The following NLGN1 variants were observed in gnomAD, a reference collection of about 807,000 sequenced individuals.
NLGN1 encodes the protein neuroligin-1.
Under a neutral mutation model 65.5 loss-of-function variants are expected in NLGN1, and 12 were observed. The ratio of observed to expected loss-of-function variants is 0.18; its 90% confidence interval spans 0.12 to 0.30. NLGN1 has a LOEUF of 0.30. NLGN1 is among the 10% of genes least tolerant of loss of function. The pLI is 1.00. For synonymous variants in NLGN1, 350 were observed against 359.5 expected (o/e 0.97, Z 0.30); for missense variants, 750 against 1,007.1 (o/e 0.74, Z 3.46).
intron 4 of NLGN1, among the ~76,000 whole-genome samples, chr3:174,164,649 G>A (rs1263484252): frequency 2.0e-5 from 3 of 151,994 alleles, no homozygotes; most frequent in Non-Finnish European, 4.4e-5. Context: ...TGTCAACTTT[G>A]TCGAAGCATA....
chr3:173,896,282 G>A (rs1736341705), intron 4 of NLGN1, among the ~76,000 whole-genome samples: 1 of 152,078 alleles, frequency 6.6e-6, no homozygotes, highest in Admixed American at 6.6e-5. Context: ...TCCTCATGGG[G>A]GAATCATTCT....
intron 4 of NLGN1, among the ~76,000 whole-genome samples, chr3:174,010,390 A>G (rs1370448972): frequency 1.3e-5 from 2 of 152,138 alleles, no homozygotes; most frequent in Non-Finnish European, 2.9e-5. Flanking sequence ...AATCCCAAAT[A>G]TTGACACTTT....
chr3:173,940,080 C>CTTTTTTTTTTTTTTTTTTTTTTTT (rs531013909), intron 4 of NLGN1, among the ~76,000 whole-genome samples: 3 of 75,432 alleles, frequency 4.0e-5, no homozygotes, highest in African/African-American at 1.2e-4. Flanking sequence ...ATAGTTATAG[C>CTTTTTTTTTTTTTTTTTTTTTTTT]TTTTTTTTTT....
chr3:173,909,562 T>G (rs914347093), intron 4 of NLGN1, among the ~76,000 whole-genome samples: 2 of 152,240 alleles, frequency 1.3e-5, no homozygotes, highest in Non-Finnish European at 2.9e-5. Flanking sequence ...TAATGGTTGC[T>G]GGTAGATTAT....
In NLGN1 at chr3:174,279,202, G is replaced by T. The variant is rs1244575408; in HGVS notation, c.1201G>T (p.Asp401Tyr). 1 of 1,613,274 alleles carries T rather than the reference G, an allele frequency of 6.2e-7. No homozygotes were observed. Among genetic ancestry groups the T allele is most frequent in the Admixed American group, 1.7e-5 (1 of 59,892 alleles). The change falls in exon 6 of 7, where the codon GAT becomes TAT. Residue 401 changes from aspartate to tyrosine, a missense_variant. Coordinates refer to ENST00000457714, the Ensembl canonical transcript of NLGN1. The surrounding 1 kb of genome is among the most constrained non-coding windows in gnomAD (Gnocchi z 4.7). ...GTTAAAATTTGTTGAAAATATAGTA[G>T]ATAGCGATGATGGTATATCAGCTAG...
chr3:174,278,817 A>T (rs1751062501), intron 5 of NLGN1, 44 bp from the exon 6 acceptor site: 1 of 1,409,558 alleles, frequency 7.1e-7, no homozygotes, highest in African/African-American at 1.4e-5. Context: ...TTACCACAAC[A>T]TTACCCAAAG....
chr3:174,093,316 G>A (rs1293900759), intron 4 of NLGN1, among the ~76,000 whole-genome samples: 2 of 152,260 alleles, frequency 1.3e-5, no homozygotes, highest in East Asian at 3.9e-4. Flanking sequence ...AAGTAATAAA[G>A]ATACCTGTTT....
At chr3:173,961,592 A>T (rs910536030) in intron 4 of NLGN1, among the ~76,000 whole-genome samples, 3 of 152,070 alleles carry the variant, frequency 2.0e-5, no homozygotes, top group African/African-American at 7.2e-5. Context: ...GACATGAGGC[A>T]TAGGTGTTAA....
At chr3:173,706,256 C>T (rs1768024567) in intron 3 of NLGN1, among the ~76,000 whole-genome samples, 2 of 152,070 alleles carry the variant, frequency 1.3e-5, no homozygotes, top group African/African-American at 4.8e-5. Flanking sequence ...TTCTATCATT[C>T]CCCTCTTCAC....
chr3:174,081,485 TG>T (rs1742203631), intron 4 of NLGN1, among the ~76,000 whole-genome samples: 1 of 152,058 alleles, frequency 6.6e-6, no homozygotes, highest in Non-Finnish European at 1.5e-5. Flanking sequence ...GACAGCTCTA[TG>T]GGGACTTTGT....
intron 4 of NLGN1, among the ~76,000 whole-genome samples, chr3:174,192,358 T>C (rs77892942): frequency 0.1 from 15,632 of 152,220 alleles, 1,062 homozygotes; most frequent in Admixed American, 0.15. Context: ...TGGCTAATAA[T>C]TTCTTTGTGT....
chr3:173,444,349 A>G (rs1379541674), intron 2 of NLGN1, among the ~76,000 whole-genome samples: 1 of 152,208 alleles, frequency 6.6e-6, no homozygotes, highest in Non-Finnish European at 1.5e-5. Flanking sequence ...ATAGGCTGTA[A>G]TATCTATAAA....
intron 4 of NLGN1, among the ~76,000 whole-genome samples, chr3:174,052,553 C>A (rs766171992): frequency 6.6e-6 from 1 of 151,904 alleles, no homozygotes; most frequent in Non-Finnish European, 1.5e-5. Context: ...CTTCAATGCA[C>A]TGAATACTGA....
At chr3:173,612,288 G>C (rs1485156629) in intron 3 of NLGN1, among the ~76,000 whole-genome samples, 1 of 152,098 alleles carries the variant, frequency 6.6e-6, no homozygotes, top group East Asian at 1.9e-4. Flanking sequence ...TAACTGGACA[G>C]AGTACTTTAT....
intron 3 of NLGN1, among the ~76,000 whole-genome samples, chr3:173,678,379 G>A (rs1168356554): frequency 6.6e-6 from 1 of 152,042 alleles, no homozygotes; most frequent in Non-Finnish European, 1.5e-5. Context: ...GAAGAGAAAA[G>A]GCCATTGGAT....
intron 1 of NLGN1, among the ~76,000 whole-genome samples, chr3:173,406,786 TC>T (rs1718786573): frequency 1.3e-5 from 2 of 152,022 alleles, no homozygotes. Flanking sequence ...AATAACAAGT[TC>T]TCCAGAGGTG....
chr3:173,852,561 G>A (rs1261550663), intron 4 of NLGN1, among the ~76,000 whole-genome samples: 1 of 151,920 alleles, frequency 6.6e-6, no homozygotes, highest in African/African-American at 2.4e-5. Flanking sequence ...ATCCTATTTG[G>A]TCATGGCATA....
At chr3:173,745,027 A>G (rs962390901) in intron 3 of NLGN1, among the ~76,000 whole-genome samples, 2 of 152,080 alleles carry the variant, frequency 1.3e-5, no homozygotes, top group African/African-American at 4.8e-5. Flanking sequence ...TGGATCCATG[A>G]TGCACATTCT....
At chr3:173,470,010 T>G (rs908326593) in intron 2 of NLGN1, among the ~76,000 whole-genome samples, 6 of 151,786 alleles carry the variant, frequency 4.0e-5, no homozygotes, top group African/African-American at 1.4e-4. Flanking sequence ...ATAATTATTT[T>G]CTGAAGCATT....
Sources: gnomAD v4.1 joint callset for allele counts (sites outside exome capture counted in the v4.1 genomes callset) on GRCh38, gnomAD v4.1.1 for gene constraint, Gnocchi (gnomAD v3.1) non-coding constraint, MANE v1.5 for transcripts, NCBI Gene and HGNC (gene_info 2026-07-23, HGNC 2026-07-21) for gene names.